The following ANXA4 variants were observed in gnomAD, a reference collection of about 807,000 sequenced individuals.
ANXA4 encodes annexin A4.
A neutral mutation model predicts 49.8 loss-of-function variants in ANXA4; 39 were observed. The observed-to-expected ratio is 0.78, with a 90% CI of 0.61 to 1.02. The LOEUF is 1.02. Ranked by LOEUF, ANXA4 falls within the 50% of genes least tolerant of loss-of-function variation. ANXA4 has a pLI of 0.00. For missense variants in ANXA4, 360 were observed against 410.1 expected (o/e 0.88, Z 1.05); for synonymous variants, 134 against 152.5 (o/e 0.88, Z 0.89).
intron 3 of ANXA4, among the ~76,000 whole-genome samples, chr2:69,724,784 T>A (rs1450354953): frequency 1.1e-5 from 1 of 91,398 alleles, no homozygotes; most frequent in Non-Finnish European, 2.2e-5. Flanking sequence ...GATGAACTCA[T>A]TCGGCCACGC....
intron 2 of ANXA4, among the ~76,000 whole-genome samples, chr2:69,692,856 G>T (rs1037106447): frequency 2.6e-5 from 4 of 152,136 alleles, no homozygotes; most frequent in African/African-American, 9.7e-5. Context: ...ATAAATGCCA[G>T]CATCTCATGA....
Position 69,757,278 on chromosome 2 carries a change from T to A in ANXA4, c.-47+15103T>A, listed in dbSNP as rs868397780. Among the ~76,000 whole-genome samples the A allele has an allele frequency of 2.8e-3, 312 of 112,624 alleles. 1 individual carries two copies. Among genetic ancestry groups the A allele is most frequent in the African/African-American group, 0.013 (273 of 20,550 alleles). The allele number at this position is 112,624 out of a possible 152,430, so 73.9% of individuals were successfully genotyped here. ...TATATATATATATATTTTTTTTTTT[T>A]TTTTTTTTTTTAGGTGGAGTCTCGC... On this transcript the variant is annotated intron_variant, in intron 1 of 12. Transcript: ENST00000394295.
intron 2 of ANXA4, among the ~76,000 whole-genome samples, chr2:69,705,048 G>A (rs1458676211): frequency 6.6e-6 from 1 of 152,108 alleles, no homozygotes; most frequent in African/African-American, 2.4e-5. Context: ...GACTTTTGGA[G>A]GCTGAGGGAG....
At chr2:69,816,477 G>A in intron 9 of ANXA4, 2 of 291,994 alleles carry the variant, frequency 6.8e-6, no homozygotes, top group South Asian at 1.1e-4. Flanking sequence ...TTTTTCTAAA[G>A]TAGCCCCAGT....
intron 1 of ANXA4, among the ~76,000 whole-genome samples, chr2:69,752,207 G>A (rs2105496767): frequency 6.6e-6 from 1 of 152,314 alleles, no homozygotes; most frequent in Admixed American, 6.5e-5. Flanking sequence ...CAGAGGTGGA[G>A]ATGGAGGTTC....
intron 9 of ANXA4, chr2:69,816,990 C>G (rs1230773229): frequency 6.6e-6 from 1 of 152,160 alleles, no homozygotes; most frequent in Non-Finnish European, 1.5e-5. Flanking sequence ...GTAATTATTT[C>G]AGGTTTTTCA....
chr2:69,808,514 GT>G (rs895095083), intron 6 of ANXA4: 2 of 155,586 alleles, frequency 1.3e-5, no homozygotes, highest in African/African-American at 2.4e-5. Context: ...ATGCACAGAG[GT>G]TCAGATCTCA....
chr2:69,688,235 A>G (rs1321743111), intron 2 of ANXA4, among the ~76,000 whole-genome samples: 2 of 152,254 alleles, frequency 1.3e-5, no homozygotes, highest in Admixed American at 6.5e-5. Context: ...TGGCATATTT[A>G]ACAAGTTTCT....
intron 2 of ANXA4, among the ~76,000 whole-genome samples, chr2:69,689,169 G>A (rs969608986): frequency 2.2e-4 from 34 of 151,976 alleles, no homozygotes; most frequent in East Asian, 1.9e-4. Flanking sequence ...ATAGTCCACC[G>A]CAGCCTTGAA....
chr2:69,696,002 T>G lies in ANXA4; in HGVS notation n.767-24772T>G, dbSNP rs566310898. The stretch of plus-strand genomic sequence containing the variant: ...CATCTCAACACTGGTGACTGCTGAC[T>G]GATCAGGGTGGTGGTTGCTGAAGGT... On this transcript the variant is annotated intron_variant and non_coding_transcript_variant, in intron 2 of 3. Coordinates refer to the ANXA4 transcript ENST00000418066. 2.6e-5 allele frequency among the ~76,000 whole-genome samples: 4 copies of G among 152,372 alleles called. No homozygotes were observed. The East Asian group carries it at 5.8e-4, about 22-fold the overall frequency.
Position 69,676,098 on chromosome 2 carries a change from T to C in ANXA4, n.766+22816T>C, listed in dbSNP as rs1047634132. Among the ~76,000 whole-genome samples the C allele has an allele frequency of 8.6e-5, 13 of 151,790 alleles. No individual in the cohort carries two copies. In the East Asian group the frequency reaches 2.5e-3, roughly 29 times the overall value. ...ATATTTTGCCACAATAAAAAGAAGT[T>C]TTAAAAAACTAAATCAAGATCATTA... On this transcript the variant is annotated intron_variant and non_coding_transcript_variant, in intron 2 of 3. Transcript: ENST00000418066.
rs535408696 is a variant in ANXA4, at chr2:69,656,241, GTA to G, written n.766+2967_766+2968del. On this transcript the variant is annotated intron_variant and non_coding_transcript_variant, in intron 2 of 3. Transcript: ENST00000418066. ...TATATGTATATATGTATATATATAC[GTA>G]TATATATGTATATACGTATATATAT... Among the ~76,000 whole-genome samples the G allele has an allele frequency of 4.5e-3, 492 of 110,010 alleles. 47 individuals carry two copies. Among genetic ancestry groups the G allele is most frequent in the African/African-American group, 9.9e-3 (306 of 30,956 alleles). The allele number at this position is 110,010 out of a possible 152,430, so 72.2% of individuals were successfully genotyped here. A position where few individuals can be genotyped will look rare whatever the true frequency, so the allele number is the denominator to read the frequency against.
intron 6 of ANXA4, 117 bp from the exon 7 acceptor site, chr2:69,810,477 C>A: frequency 1.2e-6 from 1 of 802,870 alleles, no homozygotes; most frequent in South Asian, 1.5e-5. Context: ...GAAAAAACCT[C>A]ATGATAAGCT....
intron 1 of ANXA4, among the ~76,000 whole-genome samples, chr2:69,776,010 G>A (rs1227466948): frequency 1.4e-5 from 2 of 144,954 alleles, no homozygotes; most frequent in Non-Finnish European, 2.9e-5. Flanking sequence ...GTCTCACTCT[G>A]TTGCCCAGGC....
At chr2:69,785,878 C>T (rs1288576084) in intron 2 of ANXA4, among the ~76,000 whole-genome samples, 1 of 152,108 alleles carries the variant, frequency 6.6e-6, no homozygotes, top group Non-Finnish European at 1.5e-5. Flanking sequence ...CTCAGCCATC[C>T]TTTCTGGGCT....
intron 1 of ANXA4, among the ~76,000 whole-genome samples, chr2:69,763,133 T>C (rs1671362897): frequency 6.6e-6 from 1 of 152,164 alleles, no homozygotes; most frequent in Non-Finnish European, 1.5e-5. Context: ...AGTTCTGTTT[T>C]TGTGCTCTTC....
At chr2:69,737,761 G>A (rs1189141835), upstream of ANXA4, among the ~76,000 whole-genome samples, 1 of 152,054 alleles carries the variant, frequency 6.6e-6, no homozygotes, top group Non-Finnish European at 1.5e-5. Context: ...ATCGCACCCA[G>A]CTTTTCTGTT....
intron 1 of ANXA4, among the ~76,000 whole-genome samples, chr2:69,771,035 A>C (rs930987231): frequency 6.9e-6 from 1 of 145,968 alleles, no homozygotes; most frequent in African/African-American, 2.5e-5. Context: ...TCGAGGCTGA[A>C]GTGAGCTATG....
chr2:69,793,810 G>A (rs1034639391), intron 3 of ANXA4, among the ~76,000 whole-genome samples: 7 of 151,552 alleles, frequency 4.6e-5, no homozygotes, highest in Non-Finnish European at 1.0e-4. Flanking sequence ...CATTCTAGGT[G>A]CACCAAGAGT....
Sources: gnomAD v4.1 joint callset for allele counts (sites outside exome capture counted in the v4.1 genomes callset) on GRCh38, gnomAD v4.1.1 for gene constraint, MANE v1.5 for transcripts, NCBI Gene and HGNC (gene_info 2026-07-23, HGNC 2026-07-21) for gene names.